PDE4D: variants seen among roughly 807,000 people sequenced by gnomAD.
PDE4D encodes the protein 3',5'-cyclic-AMP phosphodiesterase 4D.
In PDE4D, 24 loss-of-function variants were observed where a neutral mutation model predicts 87.4. The observed-to-expected ratio is 0.27, with a 90% CI of 0.20 to 0.39. The LOEUF is 0.39. PDE4D is among the 10% of genes least tolerant of loss of function. PDE4D has a pLI of 1.00. For synonymous variants in PDE4D, 384 were observed against 383.2 expected (o/e 1.00, Z -0.02); for missense variants, 714 against 1,041.0 (o/e 0.69, Z 4.32).
intron 1 of PDE4D, among the ~76,000 whole-genome samples, chr5:59,253,355 C>T (rs1489790247): frequency 1.3e-5 from 2 of 152,084 alleles, no homozygotes; most frequent in African/African-American, 2.4e-5. Flanking sequence ...TATGACTTCT[C>T]TCTAGTTAAA....
At chr5:60,037,360 AC>A (rs1392200220) in intron 2 of PDE4D, among the ~76,000 whole-genome samples, 1 of 152,214 alleles carries the variant, frequency 6.6e-6, no homozygotes, top group Non-Finnish European at 1.5e-5. Context: ...TCTTATTGGT[AC>A]TAGATCTTTA....
intron 1 of PDE4D, among the ~76,000 whole-genome samples, chr5:60,382,752 T>C (rs889886571): frequency 3.9e-5 from 6 of 152,114 alleles, no homozygotes; most frequent in African/African-American, 1.4e-4. Context: ...CCCTACTCTT[T>C]TGTGTGAGAG....
At chr5:59,853,755 A>G (rs1745013625) in intron 1 of PDE4D, among the ~76,000 whole-genome samples, 1 of 152,058 alleles carries the variant, frequency 6.6e-6, no homozygotes, top group African/African-American at 2.4e-5. Context: ...CCAGCTTCCA[A>G]TCTTAAAAAT....
At chr5:59,013,117 A>G (rs1460802424) in intron 6 of PDE4D, among the ~76,000 whole-genome samples, 1 of 152,238 alleles carries the variant, frequency 6.6e-6, no homozygotes, top group African/African-American at 2.4e-5. Context: ...CAAAGACACA[A>G]CATACTAGAA....
chr5:59,787,903 C>G (rs1165688937), intron 1 of PDE4D, among the ~76,000 whole-genome samples: 1 of 152,100 alleles, frequency 6.6e-6, no homozygotes, highest in African/African-American at 2.4e-5. Flanking sequence ...AGAGACACAT[C>G]TTAAAAATGC....
intron 2 of PDE4D, among the ~76,000 whole-genome samples, chr5:60,000,532 A>C (rs2152838313): frequency 6.6e-6 from 1 of 152,334 alleles, no homozygotes. Context: ...TGGCTAAGGT[A>C]GTTCTTTAGC....
At chr5:59,553,323 G>A (rs770073524) in intron 1 of PDE4D, among the ~76,000 whole-genome samples, 1 of 152,096 alleles carries the variant, frequency 6.6e-6, no homozygotes, top group African/African-American at 2.4e-5. Flanking sequence ...TTTAGGAGGT[G>A]AGAAATAAAG....
chr5:59,475,006 T>A (rs1803071724), intron 1 of PDE4D, among the ~76,000 whole-genome samples: 1 of 151,898 alleles, frequency 6.6e-6, no homozygotes, highest in South Asian at 2.1e-4. Flanking sequence ...ACCAATATAA[T>A]TTTGAGTTGG....
At chr5:59,298,144 T>C (rs1769459462) in intron 1 of PDE4D, among the ~76,000 whole-genome samples, 1 of 125,234 alleles carries the variant, frequency 8.0e-6, no homozygotes, top group South Asian at 2.6e-4. Context: ...TGAGACAGAG[T>C]GTCACTCTGT....
intron 2 of PDE4D, among the ~76,000 whole-genome samples, chr5:60,165,395 G>A (rs533755947): frequency 1.1e-4 from 16 of 152,164 alleles, no homozygotes; most frequent in African/African-American, 3.4e-4. Context: ...CTGATATCAC[G>A]CTGCTTAGGC....
At chr5:60,319,230 TC>T (rs1387022574) in intron 1 of PDE4D, among the ~76,000 whole-genome samples, 1 of 152,230 alleles carries the variant, frequency 6.6e-6, no homozygotes, top group East Asian at 1.9e-4. Context: ...TTCATTTCAT[TC>T]ATTTGATCTT....
intron 5 of PDE4D, among the ~76,000 whole-genome samples, chr5:59,127,891 C>T (rs1007364693): frequency 1.3e-5 from 2 of 151,988 alleles, no homozygotes; most frequent in African/African-American, 4.8e-5. Context: ...AGACAGTCTC[C>T]TTCTGCCGGC....
intron 5 of PDE4D, among the ~76,000 whole-genome samples, chr5:59,120,113 GTGAGCCACC>G (rs1774244934): frequency 6.6e-6 from 1 of 152,200 alleles, no homozygotes; most frequent in Admixed American, 6.5e-5. Context: ...GATTACAGGT[GTGAGCCACC>G]AAGCTCAATC....
At chr5:59,371,465 C>G (rs1277777487) in intron 1 of PDE4D, among the ~76,000 whole-genome samples, 1 of 152,196 alleles carries the variant, frequency 6.6e-6, no homozygotes, top group African/African-American at 2.4e-5. Context: ...GGCATATGTA[C>G]TGGCATATAT....
chr5:59,020,023 TA>T (rs1400971460), intron 6 of PDE4D, among the ~76,000 whole-genome samples: 2 of 152,184 alleles, frequency 1.3e-5, no homozygotes, highest in Non-Finnish European at 2.9e-5. Flanking sequence ...AGTGAAAACC[TA>T]AAGACTGGGT....
At chr5:59,361,624 G>T (rs1037027733) in intron 1 of PDE4D, among the ~76,000 whole-genome samples, 29 of 152,204 alleles carry the variant, frequency 1.9e-4, no homozygotes, top group Non-Finnish European at 4.1e-4. Context: ...ACTGCACTTT[G>T]TACTTCCTCT....
chr5:60,138,046 T>C (rs1320116781), intron 2 of PDE4D, among the ~76,000 whole-genome samples: 2 of 152,270 alleles, frequency 1.3e-5, no homozygotes, highest in African/African-American at 4.8e-5. Context: ...TAGGGAATGA[T>C]TTCCCCATTG....
At chr5:59,713,016 C>T (rs1754441300) in intron 1 of PDE4D, among the ~76,000 whole-genome samples, 1 of 152,090 alleles carries the variant, frequency 6.6e-6, no homozygotes, top group Admixed American at 6.5e-5. Flanking sequence ...TATCATCATT[C>T]TGAGGTTAGA....
intron 1 of PDE4D, among the ~76,000 whole-genome samples, chr5:59,792,478 A>G (rs963412373): frequency 6.8e-6 from 1 of 146,594 alleles, no homozygotes; most frequent in African/African-American, 2.6e-5. Context: ...GGAAAGTAAG[A>G]ACACCACATG....
Sources: gnomAD v4.1 joint callset for allele counts (sites outside exome capture counted in the v4.1 genomes callset) on GRCh38, gnomAD v4.1.1 for gene constraint, MANE v1.5 for transcripts, NCBI Gene and HGNC (gene_info 2026-07-23, HGNC 2026-07-21) for gene names.